CACNA1E: variants seen among roughly 807,000 people sequenced by gnomAD.
The protein encoded by CACNA1E is voltage-dependent R-type calcium channel subunit alpha-1E.
In CACNA1E, 40 loss-of-function variants were observed where a neutral mutation model predicts 259.2. That is an observed-to-expected ratio of 0.15 (90% confidence interval 0.12 to 0.20). CACNA1E has a LOEUF of 0.20. CACNA1E is among the 10% of genes least tolerant of loss of function. The pLI is 1.00. For missense variants in CACNA1E, 1,874 were observed against 3,040.1 expected (o/e 0.62, Z 9.02); for synonymous variants, 1,104 against 1,138.5 (o/e 0.97, Z 0.61).
At chr1:181,589,391 C>T (rs1376558018) in intron 6 of CACNA1E, among the ~76,000 whole-genome samples, 1 of 152,146 alleles carries the variant, frequency 6.6e-6, no homozygotes, top group Non-Finnish European at 1.5e-5. Flanking sequence ...ACACAGTGGG[C>T]TCTCAGGAAG....
intron 7 of CACNA1E, among the ~76,000 whole-genome samples, chr1:181,684,530 T>C (rs1650315547): frequency 6.6e-6 from 1 of 152,170 alleles, no homozygotes; most frequent in African/African-American, 2.4e-5. Context: ...GCTTTTAGAG[T>C]CTACATCATG....
At chr1:181,723,912 G>T (rs1654643419) in intron 16 of CACNA1E, among the ~76,000 whole-genome samples, 1 of 152,142 alleles carries the variant, frequency 6.6e-6, no homozygotes. Context: ...CTGTCCTTTT[G>T]GATTGTTATG....
chr1:181,603,421 T>C (rs1039804061), intron 6 of CACNA1E, among the ~76,000 whole-genome samples: 4 of 152,214 alleles, frequency 2.6e-5, no homozygotes, highest in African/African-American at 9.6e-5. Flanking sequence ...TGATGTTTAA[T>C]ACACTTATGT....
At chr1:181,724,622 A>G (rs1654720706) in intron 17 of CACNA1E, 85 bp downstream of exon 17, 2 of 1,134,344 alleles carry the variant, frequency 1.8e-6, no homozygotes, top group South Asian at 1.3e-5. Context: ...CAAAGTCTAC[A>G]TTGTCTGACT....
At chr1:181,557,353 A>G (rs962419991) in intron 3 of CACNA1E, among the ~76,000 whole-genome samples, 24 of 152,186 alleles carry the variant, frequency 1.6e-4, no homozygotes, top group Non-Finnish European at 3.4e-4. Flanking sequence ...TTTTCTGTAC[A>G]GCCTTTGTTT....
At chr1:181,444,260 G>C (rs967695008) in intron 2 of CACNA1E, among the ~76,000 whole-genome samples, 1 of 152,102 alleles carries the variant, frequency 6.6e-6, no homozygotes, top group Admixed American at 6.6e-5. Flanking sequence ...CATGTCCCCA[G>C]GTGGGGCTGA....
Position 181,616,560 on chromosome 1 carries a change from G to A in CACNA1E, c.952-34778G>A, listed in dbSNP as rs185602203. The stretch of plus-strand genomic sequence containing the variant: ...ACCCCATCTCTACTAAAAAAATTAC[G>A]AAAATTAGCTGGGTGTGGTGGTGCA... On this transcript the variant is annotated intron_variant, in intron 6 of 47. Coordinates refer to ENST00000367573, the MANE Select transcript of CACNA1E (RefSeq NM_001205293.3). Among the ~76,000 whole-genome samples the A allele has an allele frequency of 2.5e-3, 384 of 152,044 alleles. 2 individuals are homozygous for A. Among genetic ancestry groups the A allele is most frequent in the Non-Finnish European group, 4.5e-3 (303 of 67,948 alleles).
chr1:181,410,341 C>T (rs1402727484), intron 1 of CACNA1E, among the ~76,000 whole-genome samples: 1 of 152,216 alleles, frequency 6.6e-6, no homozygotes, highest in Non-Finnish European at 1.5e-5. Context: ...TTCCTTCTCC[C>T]TGATCCCTTG....
In CACNA1E at chr1:181,556,218, A is replaced by T. The variant is rs1648705290; in HGVS notation, c.513-21548A>T. On this transcript the variant is annotated intron_variant, in intron 3 of 47. Coordinates refer to ENST00000367573, the MANE Select transcript of CACNA1E (RefSeq NM_001205293.3). ...GGCATCTTCTTACTAGATGTCTTGC[A>T]TCATGGCAGCAACACCCCTGGTCCC... Among the ~76,000 whole-genome samples, 3 of 152,184 alleles carry T rather than the reference A, an allele frequency of 2.0e-5. No homozygotes were observed. The South Asian group carries it at 6.2e-4, about 32-fold the overall frequency.
At chr1:181,636,488 G>A (rs1657224246) in intron 6 of CACNA1E, among the ~76,000 whole-genome samples, 3 of 152,224 alleles carry the variant, frequency 2.0e-5, no homozygotes, top group Admixed American at 1.3e-4. Context: ...TAGAGAAATT[G>A]ATATCTTCCA....
At chr1:181,572,568 C>T (rs1489583465) in intron 3 of CACNA1E, among the ~76,000 whole-genome samples, 1 of 152,136 alleles carries the variant, frequency 6.6e-6, no homozygotes, top group Non-Finnish European at 1.5e-5. Context: ...TAAGCACCCC[C>T]CTGTATACAG....
chr1:181,455,321 G>C (rs1354663878), intron 2 of CACNA1E, among the ~76,000 whole-genome samples: 1 of 152,190 alleles, frequency 6.6e-6, no homozygotes, highest in Non-Finnish European at 1.5e-5. Flanking sequence ...CTCAGGGAGA[G>C]CTCCAAGGAC....
chr1:181,614,214 T>TTTTC (rs1558186330), intron 6 of CACNA1E, among the ~76,000 whole-genome samples: 2 of 146,284 alleles, frequency 1.4e-5, no homozygotes, highest in Non-Finnish European at 3.0e-5. Context: ...CTTTTCTTTT[T>TTTTC]TTTCTTTTTT....
chr1:181,578,929 G>A (rs1488300256), intron 4 of CACNA1E, 143 bp from the exon 5 acceptor site: 1 of 652,104 alleles, frequency 1.5e-6, no homozygotes, highest in Non-Finnish European at 2.5e-6. Context: ...TTTCCTTTAG[G>A]AAAGGAGCAC....
At chr1:181,522,618 A>T (rs1667072712) in intron 3 of CACNA1E, among the ~76,000 whole-genome samples, 1 of 152,162 alleles carries the variant, frequency 6.6e-6, no homozygotes, top group African/African-American at 2.4e-5. Flanking sequence ...AACCACTGTA[A>T]ATATAACATT....
At chr1:181,322,301 G>A (rs562119540) in intron 1 of CACNA1E, among the ~76,000 whole-genome samples, 15 of 152,238 alleles carry the variant, frequency 9.9e-5, no homozygotes, top group South Asian at 2.1e-4. Context: ...GGAAGAGGGT[G>A]GGGGTGAGAG....
chr1:181,425,499 A>G (rs886507458), intron 2 of CACNA1E, among the ~76,000 whole-genome samples: 1 of 151,924 alleles, frequency 6.6e-6, no homozygotes, highest in Non-Finnish European at 1.5e-5. Flanking sequence ...TTGGCTGAAA[A>G]AAATATTTAT....
chr1:181,414,843 T>A (rs1658143488), intron 2 of CACNA1E, among the ~76,000 whole-genome samples: 1 of 152,256 alleles, frequency 6.6e-6, no homozygotes, highest in African/African-American at 2.4e-5. Context: ...GGTTGTGGAA[T>A]CCATGCCTTT....
chr1:181,483,722 C>T lies in CACNA1E; in HGVS notation c.-23C>T. 6.3e-7 allele frequency: 1 copy of T among 1,578,184 alleles called. No homozygotes were observed. ...TTCGGCCGCGATCACCTTTGTGTGT[C>T]TTCTGTCTGTTTAAACCTCAGGATG... On this transcript the variant is annotated 5_prime_UTR_variant, in exon 1 of 48. Coordinates refer to ENST00000367573, the MANE Select transcript of CACNA1E (RefSeq NM_001205293.3).
Sources: allele counts gnomAD v4.1 joint callset (sites outside exome capture counted in the v4.1 genomes callset), GRCh38; gene constraint gnomAD v4.1.1; transcripts MANE v1.5; gene names NCBI Gene and HGNC (gene_info 2026-07-23, HGNC 2026-07-21).